Variants in PKP4 observed in about 807,000 individuals in gnomAD.
PKP4 encodes plakophilin 4, also known as plakophilin-4.
Under a neutral mutation model 145.1 loss-of-function variants are expected in PKP4, and 90 were observed. The ratio of observed to expected loss-of-function variants is 0.62; its 90% CI spans 0.52 to 0.74. The LOEUF (loss-of-function observed/expected upper bound fraction) is 0.74, where lower values mean the gene tolerates loss of function less well. PKP4 is among the 30% of genes least tolerant of loss of function. The pLI is 0.00. For missense variants in PKP4, 1,340 were observed against 1,482.7 expected (o/e 0.90, Z 1.58); for synonymous variants, 563 against 577.2 (o/e 0.98, Z 0.35).
At chr2:158,551,670 A>G (rs1371354273) in intron 2 of PKP4, among the ~76,000 whole-genome samples, 2 of 152,200 alleles carry the variant, frequency 1.3e-5, no homozygotes, top group Non-Finnish European at 2.9e-5. Flanking sequence ...CTTTGCAACT[A>G]TTTATATTTG....
intron 2 of PKP4, among the ~76,000 whole-genome samples, chr2:158,538,472 A>G (rs1050411972): frequency 5.9e-5 from 9 of 151,572 alleles, no homozygotes; most frequent in African/African-American, 1.9e-4. Flanking sequence ...TCTGTCATAA[A>G]GTTGCTTGAA....
chr2:158,631,580 T>TG (rs1489295056), intron 7 of PKP4, among the ~76,000 whole-genome samples, 173 bp from the exon 8 acceptor site: 1 of 151,560 alleles, frequency 6.6e-6, no homozygotes, highest in Non-Finnish European at 1.5e-5. Flanking sequence ...TTTGTAGAGA[T>TG]GGGGTCTCAC....
intron 15 of PKP4, among the ~76,000 whole-genome samples, chr2:158,665,345 T>G (rs2056986225): frequency 6.6e-6 from 1 of 152,202 alleles, no homozygotes; most frequent in Non-Finnish European, 1.5e-5. Flanking sequence ...TCATGTGATT[T>G]GAAAAATAGG....
At chr2:158,484,660 A>G (rs1029072444) in intron 1 of PKP4, among the ~76,000 whole-genome samples, 1 of 152,344 alleles carries the variant, frequency 6.6e-6, no homozygotes, top group South Asian at 2.1e-4. Flanking sequence ...TGTGATAAAG[A>G]TGATGACAAT....
chr2:158,627,152 ATAT>A (rs1256683658), intron 7 of PKP4, among the ~76,000 whole-genome samples: 1 of 152,142 alleles, frequency 6.6e-6, no homozygotes, highest in Non-Finnish European at 1.5e-5. Context: ...CTTGACTTAG[ATAT>A]TTTCTGAAAT....
At chr2:158,675,817 TGTCA>T (rs2057954922) in intron 19 of PKP4, among the ~76,000 whole-genome samples, 1 of 152,192 alleles carries the variant, frequency 6.6e-6, no homozygotes, top group Admixed American at 6.5e-5. Flanking sequence ...AGTATTTCAT[TGTCA>T]GTCTTCCTCT....
chr2:158,546,453 CTT>C (rs984796383), intron 2 of PKP4, among the ~76,000 whole-genome samples: 4 of 152,088 alleles, frequency 2.6e-5, no homozygotes, highest in Non-Finnish European at 5.9e-5. Flanking sequence ...TTGAAATCTT[CTT>C]TTTTTAAGTA....
chr2:158,674,276 T>C (rs1050050419), intron 19 of PKP4, among the ~76,000 whole-genome samples: 1 of 152,210 alleles, frequency 6.6e-6, no homozygotes, highest in Non-Finnish European at 1.5e-5. Flanking sequence ...AAACCTGCAG[T>C]TGACAGACTG....
intron 13 of PKP4, chr2:158,662,553 TCACGC>T (rs772953863): frequency 5.8e-6 from 1 of 172,778 alleles, no homozygotes; most frequent in Non-Finnish European, 1.2e-5. Flanking sequence ...GCATCTGTTG[TCACGC>T]CAAGGATCTG....
chr2:158,620,127 AG>A (rs993734526), intron 4 of PKP4, among the ~76,000 whole-genome samples: 3 of 152,164 alleles, frequency 2.0e-5, no homozygotes, highest in Non-Finnish European at 4.4e-5. Context: ...CATTTCTGAA[AG>A]AAAGTTTGTT....
At chr2:158,546,438 T>C (rs2045045202) in intron 2 of PKP4, among the ~76,000 whole-genome samples, 1 of 152,204 alleles carries the variant, frequency 6.6e-6, no homozygotes, top group African/African-American at 2.4e-5. Context: ...TTAAACCTGA[T>C]GCTTTTGAAA....
At chr2:158,539,321 C>T (rs901131126) in intron 2 of PKP4, among the ~76,000 whole-genome samples, 1 of 152,142 alleles carries the variant, frequency 6.6e-6, no homozygotes, top group Admixed American at 6.5e-5. Flanking sequence ...TGGCAAAATG[C>T]CCAGAAGTGA....
At chr2:158,492,538 C>T (rs1179059427) in intron 1 of PKP4, among the ~76,000 whole-genome samples, 4 of 152,088 alleles carry the variant, frequency 2.6e-5, no homozygotes, top group Admixed American at 6.6e-5. Flanking sequence ...CTTTGGCTTC[C>T]GCCACCCTGC....
chr2:158,624,674 CAAAAAAAAA>C (rs999943180), intron 6 of PKP4, among the ~76,000 whole-genome samples, 195 bp from the exon 7 acceptor site: 4 of 81,224 alleles, frequency 4.9e-5, no homozygotes, highest in African/African-American at 1.6e-4. Context: ...TTTAAACCAC[CAAAAAAAAA>C]AAAAAAAACT....
rs142657382 is a variant in PKP4, at chr2:158,664,583, C to G, written c.2577+1138C>G. ...ATGGTGTTTTCAAGATAGTGAAAAG[C>G]ATTGATAAGCCTAGGTATGGTTTGT... On this transcript the variant is annotated intron_variant, in intron 15 of 21. Coordinates refer to ENST00000389759, the MANE Select transcript of PKP4 (RefSeq NM_003628.6). 3.3e-3 allele frequency among the ~76,000 whole-genome samples: 498 copies of G among 152,284 alleles called. 3 individuals are homozygous for G. Among genetic ancestry groups the G allele is most frequent in the African/African-American group, 0.012 (485 of 41,566 alleles).
chr2:158,493,686 G>A (rs960212908), intron 1 of PKP4, among the ~76,000 whole-genome samples: 2 of 152,254 alleles, frequency 1.3e-5, no homozygotes, highest in Admixed American at 6.5e-5. Flanking sequence ...TCTAGTCCCT[G>A]TAGGTGTCTA....
intron 1 of PKP4, among the ~76,000 whole-genome samples, chr2:158,479,105 TTAG>T (rs1692945799): frequency 1.3e-5 from 2 of 152,200 alleles, no homozygotes; most frequent in South Asian, 4.1e-4. Flanking sequence ...TATTTTTCCA[TTAG>T]TAGGAGTTAC....
rs191232365 is a variant in PKP4 at position 158,593,489 on chromosome 2, G to A, written c.246-9581G>A. Among the ~76,000 whole-genome samples the A allele has an allele frequency of 3.9e-5, 6 of 152,194 alleles. No homozygotes were observed. The East Asian group carries it at 7.7e-4, about 20-fold the overall frequency. On this transcript the variant is annotated intron_variant, in intron 3 of 21. Coordinates refer to ENST00000389759, the MANE Select transcript of PKP4 (RefSeq NM_003628.6). ...TTGTCTCATTTTTGTCTAGTACTAC[G>A]TCCTTTTTGATCTTCCCTTTCCCAT... is the stretch of plus-strand genomic sequence containing the variant.
intron 16 of PKP4, among the ~76,000 whole-genome samples, chr2:158,667,353 A>G (rs2057194314): frequency 6.6e-6 from 1 of 152,110 alleles, no homozygotes; most frequent in African/African-American, 2.4e-5. Context: ...TTCTATCTAG[A>G]TTGGAAATGA....
Sources: gnomAD v4.1 joint callset for allele counts (sites outside exome capture counted in the v4.1 genomes callset) on GRCh38, gnomAD v4.1.1 for gene constraint, MANE v1.5 for transcripts, NCBI Gene and HGNC (gene_info 2026-07-23, HGNC 2026-07-21) for gene names.